RBM20: variants seen among roughly 807,000 people sequenced by gnomAD.
The protein encoded by RBM20 is RNA binding motif protein 20, also known as RNA-binding protein 20.
In RBM20, 51 loss-of-function variants were observed where a neutral mutation model predicts 110.1. The observed-to-expected ratio is 0.46, with a 90% CI of 0.37 to 0.59. The LOEUF is 0.59. Among genes scored for constraint, RBM20 ranks in the 20% least tolerant of loss-of-function variants. RBM20 has a pLI of 0.00. For synonymous variants in RBM20, 589 were observed against 618.2 expected (o/e 0.95, Z 0.70); for missense variants, 1,512 against 1,574.9 (o/e 0.96, Z 0.68).
At chr10:110,674,864 T>C (rs553921786) in intron 1 of RBM20, among the ~76,000 whole-genome samples, 1 of 150,544 alleles carries the variant, frequency 6.6e-6, no homozygotes, top group Admixed American at 6.6e-5. Context: ...TGTGTGTCTG[T>C]GTGTGTGCAC....
chr10:110,648,699 C>T (rs4488129), intron 1 of RBM20, among the ~76,000 whole-genome samples: 33,174 of 119,694 alleles, frequency 0.28, 4,573 homozygotes, highest in Middle Eastern at 0.38. Flanking sequence ...AGCCTTTACC[C>T]CAACAGGGAA....
At chr10:110,751,231 A>T (rs1843849678) in intron 1 of RBM20, among the ~76,000 whole-genome samples, 1 of 152,242 alleles carries the variant, frequency 6.6e-6, no homozygotes, top group Admixed American at 6.5e-5. Context: ...TGGGTGCTAG[A>T]TGACAAGAAA....
chr10:110,806,400 G>T (rs1474215316), intron 7 of RBM20, among the ~76,000 whole-genome samples: 3 of 152,220 alleles, frequency 2.0e-5, no homozygotes, highest in Admixed American at 2.0e-4. Context: ...GTGGCAGAAG[G>T]CAAAGGGGAA....
At chr10:110,794,497 T>C (rs1666864725) in intron 5 of RBM20, among the ~76,000 whole-genome samples, 1 of 152,210 alleles carries the variant, frequency 6.6e-6, no homozygotes, top group South Asian at 2.1e-4. Context: ...CTGAAGTAAA[T>C]GGTTTAACTG....
chr10:110,829,598 T>C (rs1256142490), intron 12 of RBM20, among the ~76,000 whole-genome samples: 1 of 152,118 alleles, frequency 6.6e-6, no homozygotes, highest in Non-Finnish European at 1.5e-5. Flanking sequence ...TTCACACTGA[T>C]AAGTGGCTAT....
intron 1 of RBM20, among the ~76,000 whole-genome samples, chr10:110,727,030 C>G (rs1045732635): frequency 6.6e-6 from 1 of 151,708 alleles, no homozygotes; most frequent in Admixed American, 6.6e-5. Flanking sequence ...GTGTTTTTAG[C>G]AGAGACAGGG....
At position 110,644,778 on chromosome 10, in the gene RBM20, C is replaced by G. The variant is rs371604023; in HGVS notation, c.191+133C>G. 3.4e-4 allele frequency: 216 copies of G among 643,926 alleles called. 3 individuals carry two copies. In the South Asian group the frequency reaches 3.9e-3, roughly 12 times the overall value. 39.9% of individuals were successfully genotyped at this position (643,926 alleles called of 1,614,324 possible). ...TTGGGTTTGAAGTTTTCTCGTACCC[C>G]CTCTGGGCAGAGTCGGTGTCCTTCT... On this transcript the variant is annotated intron_variant, in intron 1 of 13. Transcript: ENST00000369519. This position sits in a 1 kb window ranked among gnomAD's most constrained non-coding sequence, Gnocchi z 4.3.
intron 1 of RBM20, among the ~76,000 whole-genome samples, chr10:110,707,692 G>A (rs917839228): frequency 1.3e-5 from 2 of 152,200 alleles, no homozygotes; most frequent in African/African-American, 2.4e-5. Context: ...TCACTCATAT[G>A]TGGGAGCTAA....
intron 13 of RBM20, among the ~76,000 whole-genome samples, chr10:110,833,157 G>A (rs572859626): frequency 2.6e-5 from 4 of 152,020 alleles, no homozygotes; most frequent in African/African-American, 4.8e-5. Context: ...TTGGGAGACC[G>A]AGGCGGGTGG....
chr10:110,808,731 C>T (rs1298184170), intron 7 of RBM20, among the ~76,000 whole-genome samples: 1 of 152,084 alleles, frequency 6.6e-6, no homozygotes, highest in Non-Finnish European at 1.5e-5. Context: ...CTGCAGGCAG[C>T]TCCTCCTTCA....
chr10:110,758,228 G>A (rs1843947478), intron 1 of RBM20, among the ~76,000 whole-genome samples: 1 of 151,730 alleles, frequency 6.6e-6, no homozygotes, highest in Non-Finnish European at 1.5e-5. Flanking sequence ...ATGTTGCCCA[G>A]GCTGATCTCA....
chr10:110,686,042 T>C (rs1328861538), intron 1 of RBM20, among the ~76,000 whole-genome samples: 2 of 152,196 alleles, frequency 1.3e-5, no homozygotes, highest in Non-Finnish European at 2.9e-5. Context: ...TGCATCCACA[T>C]TGAATAGCTG....
chr10:110,822,160 T>C (rs1370087519), intron 11 of RBM20, among the ~76,000 whole-genome samples: 1 of 152,228 alleles, frequency 6.6e-6, no homozygotes, highest in Non-Finnish European at 1.5e-5. Flanking sequence ...GGAGGCTGCA[T>C]GTTTTCTGAG....
At chr10:110,659,151 C>T (rs1862064823) in intron 1 of RBM20, among the ~76,000 whole-genome samples, 1 of 152,212 alleles carries the variant, frequency 6.6e-6, no homozygotes. Context: ...TCAGGATGCT[C>T]TCATGGGTGA....
chr10:110,725,013 C>T (rs546166875), intron 1 of RBM20, among the ~76,000 whole-genome samples: 1 of 152,288 alleles, frequency 6.6e-6, no homozygotes, highest in African/African-American at 2.4e-5. Flanking sequence ...GCAAAGTGGA[C>T]TGTGATAAAC....
intron 9 of RBM20, among the ~76,000 whole-genome samples, chr10:110,815,792 A>G (rs1201519873): frequency 6.6e-6 from 1 of 152,176 alleles, no homozygotes; most frequent in African/African-American, 2.4e-5. Context: ...TGGAAAAAGA[A>G]TCTCAGAAAG....
chr10:110,681,763 T>C (rs1444059708), intron 1 of RBM20, among the ~76,000 whole-genome samples: 2 of 152,262 alleles, frequency 1.3e-5, no homozygotes, highest in Non-Finnish European at 2.9e-5. Context: ...TAAGCCATGA[T>C]ACATTTATCA....
chr10:110,649,547 C>T (rs2134802253), intron 1 of RBM20, among the ~76,000 whole-genome samples: 1 of 152,294 alleles, frequency 6.6e-6, no homozygotes, highest in East Asian at 1.9e-4. Context: ...CCTGGTCTCC[C>T]TGCCAGACAA....
At position 110,737,621 on chromosome 10, in the gene RBM20, CT is replaced by C. The variant is rs61353592; in HGVS notation, c.192-43169del. Among the ~76,000 whole-genome samples, 45 of 147,474 alleles carry C rather than the reference CT, an allele frequency of 3.1e-4. No individual in the cohort carries two copies. In the South Asian group the frequency reaches 5.1e-3, roughly 17 times the overall value. On this transcript the variant is annotated intron_variant, in intron 1 of 13. Coordinates refer to ENST00000369519, the MANE Select transcript of RBM20 (RefSeq NM_001134363.3). The stretch of plus-strand genomic sequence containing the variant: ...CCTCTCTGAAGATAGATTAGTTTGC[CT>C]TTTTTTTTTTGAGTTTAACGTAATT...
Sources: gnomAD v4.1 joint callset for allele counts (sites outside exome capture counted in the v4.1 genomes callset) on GRCh38, gnomAD v4.1.1 for gene constraint, Gnocchi (gnomAD v3.1) non-coding constraint, MANE v1.5 for transcripts, NCBI Gene and HGNC (gene_info 2026-07-23, HGNC 2026-07-21) for gene names.